The following SPIDR variants were observed in gnomAD, a reference collection of about 807,000 sequenced individuals.
SPIDR encodes DNA repair-scaffolding protein.
In SPIDR, 93 loss-of-function variants were observed where a neutral mutation model predicts 104.6. The observed-to-expected ratio is 0.89, with a 90% CI of 0.75 to 1.06. SPIDR has a LOEUF of 1.06. Among genes scored for constraint, SPIDR ranks in the 50% least tolerant of loss-of-function variants. The pLI is 0.00. For synonymous variants in SPIDR, 431 were observed against 416.9 expected, an observed-to-expected ratio of 1.03 and a Z score of -0.41; for missense variants, 1,154 against 1,111.2, an observed-to-expected ratio of 1.04 and a Z score of -0.55.
At position 47,536,089 on chromosome 8, in the gene SPIDR, A is replaced by AATAT. The variant is rs147707352; in HGVS notation, c.1098-59710_1098-59707dup. Among the ~76,000 whole-genome samples the AATAT allele has an allele frequency of 3.1e-3, 459 of 149,626 alleles. 1 individual carries two copies. Among genetic ancestry groups the AATAT allele is most frequent in the African/African-American group, 9.2e-3 (379 of 40,996 alleles). ...AAAAATCAAACAGGTATAATCTAAA[A>AATAT]ATATATATATATATAAGATCTACAT... is the stretch of plus-strand genomic sequence containing the variant. On this transcript the variant is annotated intron_variant, in intron 8 of 19. Transcript: ENST00000297423.
chr8:47,694,845 T>C, intron 11 of SPIDR, among the ~76,000 whole-genome samples: 1 of 152,130 alleles, frequency 6.6e-6, no homozygotes, highest in Non-Finnish European at 1.5e-5. Context: ...TTAATCAGTA[T>C]TCACCTTATT....
At chr8:47,314,148 G>C (rs2044792065) in intron 5 of SPIDR, among the ~76,000 whole-genome samples, 1 of 152,154 alleles carries the variant, frequency 6.6e-6, no homozygotes, top group Non-Finnish European at 1.5e-5. Context: ...ATGGAGCTGT[G>C]TGCTTACTGT....
chr8:47,299,602 C>G (rs2041631300), intron 5 of SPIDR, among the ~76,000 whole-genome samples: 1 of 152,008 alleles, frequency 6.6e-6, no homozygotes, highest in Non-Finnish European at 1.5e-5. Flanking sequence ...ATAAATAGCT[C>G]TTATTATTTT....
intron 6 of SPIDR, among the ~76,000 whole-genome samples, chr8:47,406,972 A>C (rs1336792781): frequency 6.6e-6 from 1 of 152,262 alleles, no homozygotes; most frequent in African/African-American, 2.4e-5. Context: ...TTATGAGATA[A>C]TACATTGATA....
chr8:47,673,413 T>C (rs10958274), intron 10 of SPIDR: 64,809 of 458,164 alleles, frequency 0.14, 8,176 homozygotes, highest in African/African-American at 0.4. Context: ...ATTTCTTTCA[T>C]GGGAAACGGT....
chr8:47,735,939 G>A lies in SPIDR; in HGVS notation c.*489G>A. On this transcript the variant is annotated 3_prime_UTR_variant, in exon 20 of 20. Transcript: ENST00000297423. ...GCACTTTGCAGTTCACTACTTTTGGGAAAATGTTCTAGGGAACTGTATCAC... is the reference window on the plus strand; with the variant it reads ...GCACTTTGCAGTTCACTACTTTTGGAAAAATGTTCTAGGGAACTGTATCAC... The A allele has an allele frequency of 4.4e-6, 1 of 229,244 alleles. No individual in the cohort carries two copies. Among genetic ancestry groups the A allele is most frequent in the Non-Finnish European group, 8.8e-6 (1 of 114,024 alleles). The allele number at this position is 229,244 out of a possible 1,614,324, so 14.2% of individuals were successfully genotyped here.
intron 8 of SPIDR, among the ~76,000 whole-genome samples, chr8:47,480,981 A>G (rs543418037): frequency 6.6e-6 from 1 of 152,374 alleles, no homozygotes; most frequent in Non-Finnish European, 1.5e-5. Flanking sequence ...GACATTGAAA[A>G]GTTAGTTCAA....
intron 8 of SPIDR, among the ~76,000 whole-genome samples, chr8:47,503,906 C>G (rs1245010810): frequency 6.6e-6 from 1 of 152,138 alleles, no homozygotes; most frequent in African/African-American, 2.4e-5. Context: ...CTTAGTTTGG[C>G]TGGATATGAA....
At chr8:47,721,652 T>C (rs2083416117) in intron 16 of SPIDR, among the ~76,000 whole-genome samples, 1 of 152,162 alleles carries the variant, frequency 6.6e-6, no homozygotes, top group Non-Finnish European at 1.5e-5. Context: ...TTTTTTTGTA[T>C]TTTTAGTAGA....
chr8:47,336,167 TTAG>T (rs1393471287), intron 5 of SPIDR, among the ~76,000 whole-genome samples: 2 of 152,198 alleles, frequency 1.3e-5, no homozygotes, highest in Admixed American at 1.3e-4. Context: ...GTTTTGGAGG[TTAG>T]TAGTAGTCCA....
intron 5 of SPIDR, among the ~76,000 whole-genome samples, chr8:47,302,873 A>G (rs1402672813): frequency 6.6e-6 from 1 of 152,192 alleles, no homozygotes; most frequent in Non-Finnish European, 1.5e-5. Flanking sequence ...GGTCCCTCCC[A>G]GTTAGGCTAC....
intron 10 of SPIDR, among the ~76,000 whole-genome samples, chr8:47,647,673 A>AGAGG (rs1588790009): frequency 6.6e-6 from 1 of 150,770 alleles, no homozygotes; most frequent in South Asian, 2.1e-4. Context: ...AGAGAGGGAG[A>AGAGG]GAGGGAGAGA....
rs192986757 is a variant in SPIDR, at chr8:47,502,810, A to G, written c.1097+62268A>G. ...TTTCCCTCTACACACTGCTTTGAATATGTCCCAGAGATTCTGGTATGTTGT... is the reference window on the plus strand; with the variant it reads ...TTTCCCTCTACACACTGCTTTGAATGTGTCCCAGAGATTCTGGTATGTTGT... On this transcript the variant is annotated intron_variant, in intron 8 of 19. Coordinates refer to ENST00000297423, the MANE Select transcript of SPIDR (RefSeq NM_001080394.4). Among the ~76,000 whole-genome samples the G allele has an allele frequency of 8.8e-3, 1,347 of 152,212 alleles. 17 individuals are homozygous for G. The highest frequency in any genetic ancestry group is 0.03 in the African/African-American group (1,237 of 41,550).
intron 6 of SPIDR, among the ~76,000 whole-genome samples, chr8:47,403,127 G>A (rs2154318085): frequency 6.6e-6 from 1 of 152,288 alleles, no homozygotes; most frequent in East Asian, 1.9e-4. Flanking sequence ...AATAGATGCA[G>A]AAAAGGCCTT....
chr8:47,456,907 A>T (rs1192628331), intron 8 of SPIDR, among the ~76,000 whole-genome samples: 1 of 152,120 alleles, frequency 6.6e-6, no homozygotes, highest in Non-Finnish European at 1.5e-5. Flanking sequence ...CTCCAATCCC[A>T]TCTAAGTTGC....
chr8:47,527,860 T>C (rs2085275281), intron 8 of SPIDR: 1 of 152,262 alleles, frequency 6.6e-6, no homozygotes, highest in Non-Finnish European at 1.5e-5. Flanking sequence ...ATTGCTGTCA[T>C]TGTTTTCTTG....
At chr8:47,630,316 G>A (rs1051749567) in intron 10 of SPIDR, among the ~76,000 whole-genome samples, 13 of 152,148 alleles carry the variant, frequency 8.5e-5, no homozygotes, top group Non-Finnish European at 1.3e-4. Flanking sequence ...TGTAAACGTT[G>A]AAAAGAGCAG....
intron 10 of SPIDR, among the ~76,000 whole-genome samples, chr8:47,656,754 A>C (rs2072898172): frequency 6.6e-6 from 1 of 152,230 alleles, no homozygotes; most frequent in East Asian, 1.9e-4. Context: ...TGTCAAAACA[A>C]CTGCAATATC....
chr8:47,517,545 A>G (rs1410270287), intron 8 of SPIDR, among the ~76,000 whole-genome samples: 1 of 152,152 alleles, frequency 6.6e-6, no homozygotes, highest in African/African-American at 2.4e-5. Flanking sequence ...TGTCTACACA[A>G]TATTCTGTTG....
Sources: allele counts gnomAD v4.1 joint callset (sites outside exome capture counted in the v4.1 genomes callset), GRCh38; gene constraint gnomAD v4.1.1; transcripts MANE v1.5; gene names NCBI Gene and HGNC (gene_info 2026-07-23, HGNC 2026-07-21).